The following GPATCH8 variants were observed in gnomAD, a reference collection of about 807,000 sequenced individuals.
GPATCH8 encodes G-patch domain containing 8, also known as G patch domain-containing protein 8.
A neutral mutation model predicts 118.3 loss-of-function variants in GPATCH8; 18 were observed. The ratio of observed to expected loss-of-function variants is 0.15; its 90% CI spans 0.11 to 0.23. The LOEUF is 0.23. Among genes scored for constraint, GPATCH8 ranks in the 10% least tolerant of loss-of-function variants. The pLI is 1.00. For missense variants in GPATCH8, 1,631 were observed against 1,873.8 expected (o/e 0.87, Z 2.39); for synonymous variants, 659 against 684.7 (o/e 0.96, Z 0.59).
In GPATCH8 at chr17:44,398,101, C is replaced by A. The variant is rs2048847442; in HGVS notation, c.3976G>T (p.Ala1326Ser). 1.2e-6 allele frequency: 2 copies of A among 1,613,924 alleles called. No homozygotes were observed. ...TGCTGCTGGATGTGTTGCTGAGCAG[C>A]CTGCTGGAGCTTGCTGTACTTCTCC... is the stretch of plus-strand genomic sequence containing the variant. ...EMEKYSKLQQ[A>S]AQQHIQQQLL... Residue 1326 changes from alanine (A) to serine (S), a missense_variant, in exon 8 of 8, where the codon GCT becomes TCT. By Grantham distance (99) the Ala-to-Ser change is moderately conservative. Coordinates refer to ENST00000591680, the MANE Select transcript of GPATCH8 (RefSeq NM_001002909.4).
intron 2 of GPATCH8, chr17:44,467,131 T>C: frequency 8.1e-7 from 1 of 1,228,008 alleles, no homozygotes; most frequent in African/African-American, 1.5e-5. Flanking sequence ...AAAGAACAGT[T>C]AAATGTAACA....
At chr17:44,483,944 C>T (rs1223571672) in intron 1 of GPATCH8, among the ~76,000 whole-genome samples, 7 of 152,052 alleles carry the variant, frequency 4.6e-5, no homozygotes, top group African/African-American at 7.2e-5. Context: ...CAGGTTCAAG[C>T]GATTCTCCTG....
chr17:44,503,388 T>C lies in GPATCH8; in HGVS notation c.-18A>G. ...TCCGCCATTTTGCCGCCTTCACTCC[T>C]CTCAGGACGACGCTCTCCGGTTCGC... is the stretch of plus-strand genomic sequence containing the variant. On this transcript the variant is annotated 5_prime_UTR_variant, in exon 1 of 8. Transcript: ENST00000591680. 1 of 1,600,902 alleles carries C rather than the reference T, an allele frequency of 6.2e-7. No homozygotes were observed. The highest frequency in any genetic ancestry group is 8.5e-7 in the Non-Finnish European group (1 of 1,173,098).
chr17:44,404,596 C>A (rs910563349), intron 7 of GPATCH8, among the ~76,000 whole-genome samples: 6 of 152,116 alleles, frequency 3.9e-5, no homozygotes, highest in African/African-American at 1.4e-4. Flanking sequence ...GTTCTTATCT[C>A]TATCTTACAG....
chr17:44,470,608 T>C (rs1236577347), intron 2 of GPATCH8, among the ~76,000 whole-genome samples: 1 of 150,504 alleles, frequency 6.6e-6, no homozygotes. Context: ...GCAATCCTCC[T>C]GCCTCAGCCT....
At chr17:44,486,461 A>G (rs1968788255) in intron 1 of GPATCH8, 1 of 152,202 alleles carries the variant, frequency 6.6e-6, no homozygotes, top group South Asian at 2.1e-4. Flanking sequence ...TATTAGACTG[A>G]GCTCATAGGG....
intron 3 of GPATCH8, among the ~76,000 whole-genome samples, chr17:44,439,599 G>A (rs1428319366): frequency 6.6e-6 from 1 of 151,946 alleles, no homozygotes; most frequent in East Asian, 1.9e-4. Context: ...CTACATACAG[G>A]AAGAGGCTGC....
intron 3 of GPATCH8, among the ~76,000 whole-genome samples, chr17:44,460,776 G>C (rs1176405520): frequency 1.3e-5 from 2 of 152,190 alleles, no homozygotes; most frequent in East Asian, 3.8e-4. Context: ...GTTTACACTA[G>C]AGTGACAGGG....
intron 2 of GPATCH8, 54 bp downstream of exon 2, chr17:44,474,775 G>A (rs143586573): frequency 1.8e-4 from 156 of 871,434 alleles, no homozygotes; most frequent in African/African-American, 1.8e-3. Context: ...AGTGTCACAC[G>A]AACACTACCT....
rs537506725 is a variant in GPATCH8 at position 44,493,156 on chromosome 17, A to G, written c.45+10170T>C. ...CAACCTCTGCCTCCTGGGTTCATGC[A>G]ATTCTCCTGCCTCAGCAGCCTCCCC... On this transcript the variant is annotated intron_variant, in intron 1 of 7. Transcript: ENST00000591680. 7.4e-5 allele frequency among the ~76,000 whole-genome samples: 11 copies of G among 148,868 alleles called. No homozygotes were observed. The Middle Eastern group carries it at 0.01, about 142-fold the overall frequency.
chr17:44,434,455 G>A (rs1234553839), intron 5 of GPATCH8, among the ~76,000 whole-genome samples: 1 of 152,156 alleles, frequency 6.6e-6, no homozygotes, highest in Non-Finnish European at 1.5e-5. Context: ...TGAAATCCCA[G>A]CAAACTGGGA....
At chr17:44,418,690 A>G (rs1204744469) in intron 6 of GPATCH8, among the ~76,000 whole-genome samples, 1 of 152,114 alleles carries the variant, frequency 6.6e-6, no homozygotes, top group Non-Finnish European at 1.5e-5. Flanking sequence ...TGACCTTGTG[A>G]TCCGCCAGCC....
Position 44,400,802 on chromosome 17 carries a change from A to G in GPATCH8, c.1275T>C (p.Thr425=), listed in dbSNP as rs755248835. 6 of 1,614,028 alleles carry G rather than the reference A, an allele frequency of 3.7e-6. No individual in the cohort carries two copies. The highest frequency in any genetic ancestry group is 4.2e-6 in the Non-Finnish European group (5 of 1,179,998). The change falls in exon 8 of 8, where the codon ACT becomes ACC. Residue 425 remains threonine (T), a synonymous_variant. Coordinates refer to ENST00000591680, the MANE Select transcript of GPATCH8 (RefSeq NM_001002909.4). ...TCTCTGGGGCATTCTTTGGGTGTGT[A>G]GTATTATCACCATCCATTTGTTCAC... ...RASEQMDGDN[T]THPKNAPESK...
intron 7 of GPATCH8, among the ~76,000 whole-genome samples, chr17:44,405,209 C>CTTT (rs542901574): frequency 7.2e-6 from 1 of 138,032 alleles, no homozygotes; most frequent in Non-Finnish European, 1.6e-5. Context: ...GTTTATAATT[C>CTTT]TTTTTTTTTT....
Position 44,397,507 on chromosome 17 carries a change from C to A in GPATCH8, c.*61G>T. ...ACTTGCTGGTATTAATGGCTCAACA[C>A]CCCCAAGGGAACATTTATGGGTCTC... On this transcript the variant is annotated 3_prime_UTR_variant, in exon 8 of 8. Coordinates refer to ENST00000591680, the MANE Select transcript of GPATCH8 (RefSeq NM_001002909.4). 2 of 1,155,076 alleles carry A rather than the reference C, an allele frequency of 1.7e-6. No individual in the cohort carries two copies. The highest frequency in any genetic ancestry group is 1.5e-5 in the African/African-American group (1 of 66,154). 71.6% of individuals were successfully genotyped at this position (1,155,076 alleles called of 1,614,324 possible).
chr17:44,408,829 T>C (rs1036541064), intron 6 of GPATCH8, among the ~76,000 whole-genome samples: 3 of 152,110 alleles, frequency 2.0e-5, no homozygotes, highest in African/African-American at 7.2e-5. Flanking sequence ...CGAATCTAAA[T>C]TGCAGGCTCC....
rs1442749905 is a variant in GPATCH8 at position 44,395,412 on chromosome 17, T to TA, written c.*2155dup. 4 of 453,402 alleles carry TA rather than the reference T, an allele frequency of 8.8e-6. No homozygotes were observed. Among genetic ancestry groups the TA allele is most frequent in the Non-Finnish European group, 1.8e-5 (4 of 226,548 alleles). 28.1% of individuals were successfully genotyped at this position (453,402 alleles called of 1,614,324 possible). On this transcript the variant is annotated 3_prime_UTR_variant, in exon 8 of 8. Coordinates refer to ENST00000591680, the MANE Select transcript of GPATCH8 (RefSeq NM_001002909.4). ...TAAGGTTTATTTTTATTTTTACTTTTAAAATCACTATTCTGGAAGTTAAAG... is the reference window on the plus strand; with the variant it reads ...TAAGGTTTATTTTTATTTTTACTTTTAAAAATCACTATTCTGGAAGTTAAAG...
At position 44,494,045 on chromosome 17, in the gene GPATCH8, G is replaced by A. The variant is rs116680482; in HGVS notation, c.45+9281C>T. ...TTGCTCTCCATTCTGCCTTAATGAT[G>A]TACTCTCATGTTCATTAACAATAAT... On this transcript the variant is annotated intron_variant, in intron 1 of 7. Transcript: ENST00000591680. Among the ~76,000 whole-genome samples the A allele has an allele frequency of 6.5e-3, 989 of 152,102 alleles. 11 individuals carry two copies. Among genetic ancestry groups the A allele is most frequent in the African/African-American group, 0.022 (909 of 41,476 alleles).
intron 7 of GPATCH8, among the ~76,000 whole-genome samples, chr17:44,405,539 C>T (rs562562510): frequency 7.0e-6 from 1 of 143,184 alleles, no homozygotes; most frequent in East Asian, 2.1e-4. Context: ...GAGTCTTGCT[C>T]TGTCGCCCAG....
Sources: allele counts gnomAD v4.1 joint callset (sites outside exome capture counted in the v4.1 genomes callset), GRCh38; gene constraint gnomAD v4.1.1; transcripts MANE v1.5; gene names NCBI Gene and HGNC (gene_info 2026-07-23, HGNC 2026-07-21).